Variants in SLC44A1 observed in about 807,000 individuals in gnomAD.
The protein encoded by SLC44A1 is solute carrier family 44 member 1, also known as choline transporter-like protein 1.
A neutral mutation model predicts 79.3 loss-of-function variants in SLC44A1; 26 were observed. The ratio of observed to expected loss-of-function variants is 0.33; its 90% confidence interval spans 0.24 to 0.46. SLC44A1 has a LOEUF of 0.46. SLC44A1 is among the 20% of genes least tolerant of loss of function. The pLI, the probability that SLC44A1 is intolerant of heterozygous loss-of-function variation, is 1.00. For synonymous variants in SLC44A1, 263 were observed against 286.2 expected (o/e 0.92, Z 0.82); for missense variants, 688 against 798.1 (o/e 0.86, Z 1.66).
Position 105,422,055 on chromosome 9 carries a change from G to A in SLC44A1, c.1951-16226G>A, listed in dbSNP as rs78475999. Among the ~76,000 whole-genome samples the A allele has an allele frequency of 5.6e-4, 85 of 152,296 alleles. 1 individual carries two copies. In the East Asian group the frequency reaches 0.015, roughly 27 times the overall value. On this transcript the variant is annotated intron_variant, in intron 15 of 15. Transcript: ENST00000374724. ...CAGTTGAGAGAGGTGACAGCGTTAG[G>A]TTGGACTCTCCTACCTGAGTGATGA...
At chr9:105,281,177 C>T (rs976124698) in intron 1 of SLC44A1, among the ~76,000 whole-genome samples, 6 of 152,268 alleles carry the variant, frequency 3.9e-5, no homozygotes, top group African/African-American at 1.4e-4. Flanking sequence ...GTGGCTGGGG[C>T]GTACCCTGGG....
chr9:105,359,202 T>C (rs1004627714), intron 7 of SLC44A1, among the ~76,000 whole-genome samples: 3 of 152,212 alleles, frequency 2.0e-5, no homozygotes, highest in African/African-American at 7.2e-5. Context: ...GAACTACTGG[T>C]CCTTTTTCCA....
intron 12 of SLC44A1, among the ~76,000 whole-genome samples, chr9:105,373,994 TCA>T (rs1236158911): frequency 2.0e-5 from 3 of 152,190 alleles, no homozygotes; most frequent in Non-Finnish European, 4.4e-5. Flanking sequence ...AGTGACAGTC[TCA>T]CTGGGATTGA....
chr9:105,353,018 T>C (rs1281039782), intron 5 of SLC44A1, among the ~76,000 whole-genome samples: 2 of 152,202 alleles, frequency 1.3e-5, no homozygotes, highest in East Asian at 1.9e-4. Context: ...TTTCATCTTA[T>C]TTTTGAATAA....
intron 15 of SLC44A1, among the ~76,000 whole-genome samples, chr9:105,430,792 A>C (rs1829382576): frequency 6.6e-6 from 1 of 152,172 alleles, no homozygotes; most frequent in South Asian, 2.1e-4. Context: ...TATACATAGG[A>C]GTGGAATTCC....
chr9:105,300,168 T>G (rs73666625), intron 2 of SLC44A1, among the ~76,000 whole-genome samples: 6,331 of 152,200 alleles, frequency 0.042, 445 homozygotes, highest in African/African-American at 0.14. Flanking sequence ...AGATGGAAAT[T>G]ACTATCCCAA....
intron 9 of SLC44A1, among the ~76,000 whole-genome samples, chr9:105,363,283 C>T (rs1176232139): frequency 6.6e-6 from 1 of 152,134 alleles, no homozygotes; most frequent in African/African-American, 2.4e-5. Flanking sequence ...CTGCCTCAGC[C>T]TCCTGAGTAG....
intron 1 of SLC44A1, among the ~76,000 whole-genome samples, chr9:105,247,672 AG>A (rs541475661): frequency 3.0e-4 from 46 of 152,344 alleles, no homozygotes; most frequent in African/African-American, 9.6e-4. Flanking sequence ...TCTTGAGCAC[AG>A]GAACTGTTTT....
intron 2 of SLC44A1, among the ~76,000 whole-genome samples, chr9:105,304,087 T>G (rs987369673): frequency 1.6e-4 from 25 of 152,218 alleles, no homozygotes; most frequent in African/African-American, 4.3e-4. Flanking sequence ...AGTTGGAATC[T>G]TGGAGAATGA....
intron 1 of SLC44A1, among the ~76,000 whole-genome samples, chr9:105,276,451 GCTTA>G (rs959696956): frequency 6.6e-6 from 1 of 152,068 alleles, no homozygotes; most frequent in Non-Finnish European, 1.5e-5. Flanking sequence ...AGAACACCAA[GCTTA>G]CTTATTTTTT....
chr9:105,244,975 G>A, intron 1 of SLC44A1, 71 bp downstream of exon 1: 3 of 571,282 alleles, frequency 5.3e-6, no homozygotes, highest in East Asian at 1.4e-4. Context: ...GCGGGCGCCC[G>A]CCGCCCGATA....
chr9:105,375,375 A>G (rs536444699), intron 13 of SLC44A1, among the ~76,000 whole-genome samples: 2 of 152,318 alleles, frequency 1.3e-5, no homozygotes, highest in Non-Finnish European at 1.5e-5. Context: ...GAATTAGGAA[A>G]TAGTCTTCCT....
rs759287545 is a variant in SLC44A1, at chr9:105,392,433, G to A, written c.*3377G>A. ...TTTTTTTTTTTTTTTTTTTTTTTCC[G>A]TGAGGGCATTAGGCTGCTGATTGTA... On this transcript the variant is annotated 3_prime_UTR_variant, in exon 16 of 16. Transcript: ENST00000374720. 4.5e-5 allele frequency: 38 copies of A among 842,104 alleles called. No homozygotes were observed. Among genetic ancestry groups the A allele is most frequent in the Admixed American group, 7.9e-5 (1 of 12,728 alleles). 52.2% of individuals were successfully genotyped at this position (842,104 alleles called of 1,614,324 possible).
At chr9:105,368,540 G>T (rs1828007851) in intron 12 of SLC44A1, among the ~76,000 whole-genome samples, 1 of 152,092 alleles carries the variant, frequency 6.6e-6, no homozygotes, top group Non-Finnish European at 1.5e-5. Flanking sequence ...GAGACCTAAA[G>T]GTGGAAGAAG....
chr9:105,383,255 A>G lies in SLC44A1; in HGVS notation c.1765A>G (p.Ile589Val), dbSNP rs1828529976. ...AFLVAHCFLSIYEMVVDVLFL... is the reference protein window; with the variant it reads ...AFLVAHCFLSVYEMVVDVLFL... ...CCTAGTCGCTCATTGCTTCCTGTCT[A>G]TTTATGAAATGGTAGTGGATGTATT... Residue 589 changes from isoleucine (I) to valine (V), a missense_variant, in exon 14 of 16, where the codon ATT (isoleucine) becomes GTT (valine). Physicochemically the swap from Ile to Val is conservative, Grantham distance 29. Transcript: ENST00000374720. The G allele has an allele frequency of 6.2e-7, 1 of 1,613,864 alleles. No homozygotes were observed. Among genetic ancestry groups the G allele is most frequent in the South Asian group, 1.1e-5 (1 of 91,068 alleles).
chr9:105,259,848 A>G (rs1417273034), intron 1 of SLC44A1, among the ~76,000 whole-genome samples: 1 of 152,244 alleles, frequency 6.6e-6, no homozygotes, highest in Non-Finnish European at 1.5e-5. Context: ...ACTGAAAGCA[A>G]TTCTAGTTTG....
At chr9:105,365,703 G>A in intron 11 of SLC44A1, 64 bp downstream of exon 11, 3 of 1,407,268 alleles carry the variant, frequency 2.1e-6, no homozygotes, top group Non-Finnish European at 3.0e-6. Context: ...TCTGCATGTA[G>A]TAAAGCACCC....
rs553806463 is a variant in SLC44A1 at position 105,329,165 on chromosome 9, C to G, written c.270-6398C>G. ...TCATGGTTTTCAGTTTGGTATGATT[C>G]ACTCACGGCAACACTCTCTGTGGAA... On this transcript the variant is annotated intron_variant, in intron 3 of 15. Coordinates refer to ENST00000374720, the MANE Select transcript of SLC44A1 (RefSeq NM_080546.5). 1.2e-4 allele frequency among the ~76,000 whole-genome samples: 18 copies of G among 152,258 alleles called. No homozygotes were observed. In the East Asian group the frequency reaches 3.5e-3, roughly 29 times the overall value.
chr9:105,322,275 T>C (rs554512798), intron 3 of SLC44A1, among the ~76,000 whole-genome samples: 1 of 152,308 alleles, frequency 6.6e-6, no homozygotes, highest in East Asian at 1.9e-4. Flanking sequence ...TTGGACACTT[T>C]GGACTTTACG....
Sources: allele counts gnomAD v4.1 joint callset (sites outside exome capture counted in the v4.1 genomes callset), GRCh38; gene constraint gnomAD v4.1.1; transcripts MANE v1.5; gene names NCBI Gene and HGNC (gene_info 2026-07-23, HGNC 2026-07-21).